Variants in PAN3 observed in about 807,000 individuals in gnomAD.
PAN3 encodes PAN2-PAN3 deadenylation complex subunit PAN3.
A neutral mutation model predicts 96.2 loss-of-function variants in PAN3; 19 were observed. The observed-to-expected ratio is 0.20, with a 90% CI of 0.14 to 0.29. The LOEUF is 0.29. Ranked by LOEUF, PAN3 falls within the 10% of genes least tolerant of loss-of-function variation. PAN3 has a pLI of 1.00. For synonymous variants in PAN3, 433 were observed against 406.6 expected (o/e 1.06, Z -0.78); for missense variants, 882 against 1,108.1 (o/e 0.80, Z 2.90).
At chr13:28,141,010 T>TTTTTTTA (rs1566128484) in intron 1 of PAN3, among the ~76,000 whole-genome samples, 3 of 148,464 alleles carry the variant, frequency 2.0e-5, no homozygotes, top group African/African-American at 7.7e-5. Context: ...ACACTTTTTT[T>TTTTTTTA]TTTTTTTTTT....
At chr13:28,149,946 C>T (rs768646004) in intron 1 of PAN3, among the ~76,000 whole-genome samples, 1 of 152,052 alleles carries the variant, frequency 6.6e-6, no homozygotes. Context: ...AGATATCTTA[C>T]GCTGCTTTTA....
chr13:28,245,970 A>G (rs548826762), intron 6 of PAN3, among the ~76,000 whole-genome samples: 1 of 152,218 alleles, frequency 6.6e-6, no homozygotes, highest in African/African-American at 2.4e-5. Flanking sequence ...GCATAATGCT[A>G]CTATGAGCAT....
chr13:28,264,436 G>A (rs1885994672), intron 9 of PAN3, among the ~76,000 whole-genome samples: 1 of 152,086 alleles, frequency 6.6e-6, no homozygotes, highest in African/African-American at 2.4e-5. Context: ...CTACTCGGGA[G>A]GCTGAGGCAC....
At chr13:28,239,181 ACACACACGCATG>A (rs1223412596) in intron 6 of PAN3, among the ~76,000 whole-genome samples, 2 of 101,580 alleles carry the variant, frequency 2.0e-5, no homozygotes, top group Admixed American at 2.6e-4. Flanking sequence ...ACACACACAC[ACACACACGCATG>A]CACACACGCA....
At position 28,204,519 on chromosome 13, in the gene PAN3, A is replaced by T. The variant is rs140212443; in HGVS notation, c.852+7173A>T. On this transcript the variant is annotated intron_variant, in intron 5 of 18. Coordinates refer to ENST00000380958, the MANE Select transcript of PAN3 (RefSeq NM_175854.8). ...ATGTTTGTTTATATTTATTTAGAGT[A>T]CAGCCTGCAGTTATATTCATATGTG... is the stretch of plus-strand genomic sequence containing the variant. Among the ~76,000 whole-genome samples, 1,043 of 152,346 alleles carry T rather than the reference A, an allele frequency of 6.8e-3. 11 individuals carry two copies. The highest frequency in any genetic ancestry group is 0.024 in the African/African-American group (1,008 of 41,580).
At chr13:28,222,066 G>A (rs534094511) in intron 6 of PAN3, among the ~76,000 whole-genome samples, 18 of 151,982 alleles carry the variant, frequency 1.2e-4, no homozygotes, top group African/African-American at 3.9e-4. Context: ...TTCCTTCCTC[G>A]TATCAGAAAT....
chr13:28,142,187 GA>G (rs1869945015), intron 1 of PAN3, among the ~76,000 whole-genome samples: 1 of 152,166 alleles, frequency 6.6e-6, no homozygotes, highest in Non-Finnish European at 1.5e-5. Context: ...CAAGGAGTGG[GA>G]AATAATGTTG....
chr13:28,177,769 C>A, intron 3 of PAN3, 96 bp from the exon 4 acceptor site: 1 of 951,806 alleles, frequency 1.1e-6, no homozygotes, highest in Non-Finnish European at 1.7e-6. Context: ...ATTATTGTGT[C>A]ATTTGATTTT....
intron 6 of PAN3, among the ~76,000 whole-genome samples, chr13:28,230,237 T>C (rs768853146): frequency 2.6e-5 from 4 of 152,074 alleles, no homozygotes; most frequent in Non-Finnish European, 5.9e-5. Context: ...AATATAGGAG[T>C]TGCCGATGCT....
intron 13 of PAN3, 98 bp downstream of exon 13, chr13:28,270,964 A>G: frequency 3.3e-6 from 4 of 1,207,806 alleles, no homozygotes; most frequent in South Asian, 1.6e-5. Flanking sequence ...CTTTTCATAT[A>G]TTCCATCCAG....
chr13:28,189,586 T>C (rs1467432351), intron 4 of PAN3, among the ~76,000 whole-genome samples: 1 of 152,102 alleles, frequency 6.6e-6, no homozygotes, highest in Non-Finnish European at 1.5e-5. Context: ...GGCAAGGAGC[T>C]ACAAGGACTT....
At chr13:28,151,644 C>T (rs1243386655) in intron 1 of PAN3, among the ~76,000 whole-genome samples, 1 of 152,078 alleles carries the variant, frequency 6.6e-6, no homozygotes, top group Non-Finnish European at 1.5e-5. Flanking sequence ...AAGAACTAGT[C>T]AGATTTCAGA....
chr13:28,242,683 T>A (rs555219107), intron 6 of PAN3, among the ~76,000 whole-genome samples: 15 of 152,186 alleles, frequency 9.9e-5, no homozygotes, highest in African/African-American at 3.4e-4. Flanking sequence ...AGAAGCTTTT[T>A]TGATGTGTGG....
At chr13:28,242,233 C>T (rs1391450176) in intron 6 of PAN3, among the ~76,000 whole-genome samples, 2 of 152,102 alleles carry the variant, frequency 1.3e-5, no homozygotes, top group African/African-American at 4.8e-5. Context: ...TTTTCCTCTG[C>T]CCCCAGATTT....
Position 28,138,629 on chromosome 13 carries a change from G to A in PAN3, c.-29G>A. The A allele has an allele frequency of 4.1e-6, 2 of 493,644 alleles. No individual in the cohort carries two copies. Among genetic ancestry groups the A allele is most frequent in the Non-Finnish European group, 3.3e-6 (1 of 305,974 alleles). The allele number at this position is 493,644 out of a possible 1,614,324, so 30.6% of individuals were successfully genotyped here. A position where few individuals can be genotyped will look rare whatever the true frequency, so the allele number is the denominator to read the frequency against. Reference sequence around the variant, plus strand: ...GGTGGCGGCGGCGGCTCCTCGGGCGGCGGCGGAAGACGAGGCTGCGGCGTT... The same window carrying A: ...GGTGGCGGCGGCGGCTCCTCGGGCGACGGCGGAAGACGAGGCTGCGGCGTT... On this transcript the variant is annotated 5_prime_UTR_variant, in exon 1 of 19. Coordinates refer to ENST00000380958, the MANE Select transcript of PAN3 (RefSeq NM_175854.8).
At chr13:28,211,169 A>G (rs1416525780) in intron 5 of PAN3, among the ~76,000 whole-genome samples, 1 of 151,846 alleles carries the variant, frequency 6.6e-6, no homozygotes, top group Non-Finnish European at 1.5e-5. Flanking sequence ...CCAAAGTTGT[A>G]GGATTACAGG....
At chr13:28,256,162 TC>T in intron 6 of PAN3, 129 bp from the exon 7 acceptor site, 1 of 960,400 alleles carries the variant, frequency 1.0e-6, no homozygotes, top group Non-Finnish European at 1.5e-6. Flanking sequence ...TAAAATTATT[TC>T]CTTCATCTTT....
chr13:28,258,062 G>A (rs1003352765), intron 7 of PAN3, among the ~76,000 whole-genome samples: 8 of 151,736 alleles, frequency 5.3e-5, no homozygotes, highest in East Asian at 1.9e-4. Flanking sequence ...CAAATGATCC[G>A]CCCACCTTGG....
intron 18 of PAN3, among the ~76,000 whole-genome samples, chr13:28,290,067 C>A (rs1046789983): frequency 2.0e-5 from 3 of 152,192 alleles, no homozygotes; most frequent in Non-Finnish European, 4.4e-5. Flanking sequence ...CAAATCCGTT[C>A]TATGGCCTAT....
Sources: gnomAD v4.1 joint callset for allele counts (sites outside exome capture counted in the v4.1 genomes callset) on GRCh38, gnomAD v4.1.1 for gene constraint, MANE v1.5 for transcripts, NCBI Gene and HGNC (gene_info 2026-07-23, HGNC 2026-07-21) for gene names.